Variants in KDM4C observed in about 807,000 individuals in gnomAD.
KDM4C encodes the protein lysine-specific demethylase 4C.
KDM4C carries 81 observed loss-of-function variants against 129.3 expected under a neutral mutation model. The ratio of observed to expected loss-of-function variants is 0.63; its 90% confidence interval spans 0.52 to 0.75. The LOEUF is 0.75. KDM4C is among the 30% of genes least tolerant of loss of function. The pLI is 0.00. For missense variants in KDM4C, 1,457 were observed against 1,304.0 expected (o/e 1.12, Z -1.81); for synonymous variants, 573 against 456.1 (o/e 1.26, Z -3.26).
intron 15 of KDM4C, among the ~76,000 whole-genome samples, chr9:7,023,682 G>A (rs190604413): frequency 3.0e-4 from 46 of 151,802 alleles, no homozygotes; most frequent in African/African-American, 1.4e-4. Context: ...TTTGTGTTTC[G>A]TTTGCTCTTG....
chr9:6,995,987 A>G (rs1429662132), intron 12 of KDM4C, among the ~76,000 whole-genome samples: 1 of 152,146 alleles, frequency 6.6e-6, no homozygotes, highest in Non-Finnish European at 1.5e-5. Context: ...TTAAGTTTTA[A>G]AAATATATTT....
intron 3 of KDM4C, among the ~76,000 whole-genome samples, chr9:6,810,106 T>G (rs1371300793): frequency 6.6e-6 from 1 of 152,264 alleles, no homozygotes; most frequent in East Asian, 1.9e-4. Context: ...CTTGAAGTTC[T>G]TTCTTCTCTT....
At chr9:6,731,675 G>A (rs376490342) in intron 1 of KDM4C, among the ~76,000 whole-genome samples, 3 of 151,988 alleles carry the variant, frequency 2.0e-5, no homozygotes, top group Non-Finnish European at 4.4e-5. Flanking sequence ...GGGGCCTAGC[G>A]CATGAGCTCA....
At chr9:6,987,225 C>T (rs1817882235) in intron 11 of KDM4C, among the ~76,000 whole-genome samples, 2 of 152,178 alleles carry the variant, frequency 1.3e-5, no homozygotes, top group South Asian at 4.1e-4. Context: ...CTTACTCTTT[C>T]CTCATGGACC....
At chr9:6,839,340 C>G (rs1387515320) in intron 4 of KDM4C, among the ~76,000 whole-genome samples, 2 of 152,012 alleles carry the variant, frequency 1.3e-5, no homozygotes, top group African/African-American at 4.8e-5. Flanking sequence ...AACCATTCCC[C>G]CACGTCAACT....
At chr9:6,941,962 C>T (rs1182881991) in intron 8 of KDM4C, 1 of 152,170 alleles carries the variant, frequency 6.6e-6, no homozygotes, top group Non-Finnish European at 1.5e-5. Flanking sequence ...TTGAGTATCA[C>T]AAGATTTCAC....
intron 17 of KDM4C, among the ~76,000 whole-genome samples, chr9:7,100,786 T>TTCTTA: frequency 6.6e-6 from 1 of 152,304 alleles, no homozygotes; most frequent in African/African-American, 2.4e-5. Context: ...TTCTTTTCTT[T>TTCTTA]TTTTTATTGT....
intron 8 of KDM4C, among the ~76,000 whole-genome samples, chr9:6,977,523 GT>G (rs1328069283): frequency 6.6e-6 from 1 of 152,108 alleles, no homozygotes; most frequent in Non-Finnish European, 1.5e-5. Context: ...GGCCTATTTT[GT>G]TTTTTAAATA....
chr9:7,118,664 C>T (rs535129273), intron 18 of KDM4C, among the ~76,000 whole-genome samples: 2 of 152,246 alleles, frequency 1.3e-5, no homozygotes, highest in African/African-American at 4.8e-5. Flanking sequence ...CAAATGGAAA[C>T]CTGCTCTTTG....
chr9:7,115,883 A>G (rs956978344), intron 18 of KDM4C, among the ~76,000 whole-genome samples: 1 of 152,214 alleles, frequency 6.6e-6, no homozygotes, highest in East Asian at 1.9e-4. Flanking sequence ...TTTCTCACAT[A>G]CAAGTCAATA....
intron 15 of KDM4C, 104 bp from the exon 16 acceptor site, chr9:7,046,758 A>C (rs1249894527): frequency 1.2e-6 from 1 of 852,048 alleles, no homozygotes; most frequent in African/African-American, 1.7e-5. Context: ...TGATGGTTTT[A>C]ATTTTAGAAT....
chr9:6,949,393 A>T (rs1827668230), intron 8 of KDM4C, among the ~76,000 whole-genome samples: 1 of 151,864 alleles, frequency 6.6e-6, no homozygotes, highest in African/African-American at 2.4e-5. Context: ...CACATCCCAG[A>T]CGATGAGTGG....
intron 12 of KDM4C, among the ~76,000 whole-genome samples, chr9:6,995,732 C>T (rs1181474524): frequency 4.6e-5 from 7 of 151,990 alleles, no homozygotes; most frequent in Non-Finnish European, 7.4e-5. Context: ...AGTGCAGTGG[C>T]GCAGTCTCAG....
chr9:7,033,120 C>G (rs1294947174), intron 15 of KDM4C, among the ~76,000 whole-genome samples: 1 of 150,880 alleles, frequency 6.6e-6, no homozygotes, highest in Non-Finnish European at 1.5e-5. Context: ...CATTGCTGTT[C>G]CCTCTGATCT....
rs187115749 is a variant in KDM4C at position 6,856,959 on chromosome 9, G to T, written c.629+7259G>T. 1.4e-4 allele frequency among the ~76,000 whole-genome samples: 22 copies of T among 152,040 alleles called. No individual in the cohort carries two copies. The South Asian group carries it at 2.5e-3, about 17-fold the overall frequency. ...TTTTTAGTAGAGACGGGGTTTCACC[G>T]TGTTAGCCAGGATGGTCTCGATCTC... On this transcript the variant is annotated intron_variant, in intron 5 of 21. Transcript: ENST00000381309.
At chr9:6,933,192 C>G (rs760296471) in intron 8 of KDM4C, among the ~76,000 whole-genome samples, 54 of 152,150 alleles carry the variant, frequency 3.5e-4, no homozygotes, top group Non-Finnish European at 6.6e-4. Flanking sequence ...TGGAATTTTT[C>G]TATGGGAACA....
intron 3 of KDM4C, 32 bp downstream of exon 3, chr9:6,805,806 C>T (rs765227614): frequency 7.6e-6 from 12 of 1,576,258 alleles, no homozygotes; most frequent in Non-Finnish European, 1.0e-5. Flanking sequence ...TTTCTGTTTC[C>T]TTCAAAGATT....
chr9:7,133,360 A>G (rs1840847347), intron 19 of KDM4C, among the ~76,000 whole-genome samples: 1 of 152,130 alleles, frequency 6.6e-6, no homozygotes, highest in Admixed American at 6.6e-5. Flanking sequence ...TGCTGGGTCC[A>G]TTTATCATTC....
intron 12 of KDM4C, among the ~76,000 whole-genome samples, chr9:7,009,857 C>G (rs914543131): frequency 1.3e-5 from 2 of 152,034 alleles, no homozygotes; most frequent in African/African-American, 4.8e-5. Flanking sequence ...TCAATAAATA[C>G]ATTAGAACAT....
Sources: allele counts gnomAD v4.1 joint callset (sites outside exome capture counted in the v4.1 genomes callset), GRCh38; gene constraint gnomAD v4.1.1; transcripts MANE v1.5; gene names NCBI Gene and HGNC (gene_info 2026-07-23, HGNC 2026-07-21).